Variants in BTBD16 observed in about 807,000 individuals in gnomAD.
The protein encoded by BTBD16 is BTB domain containing 16.
In BTBD16, 66 loss-of-function variants were observed where a neutral mutation model predicts 67.4. The observed-to-expected ratio is 0.98, with a 90% CI of 0.80 to 1.20. The LOEUF is 1.20. Among genes scored for constraint, BTBD16 ranks in the 50% most tolerant of loss-of-function variants. The pLI is 0.00. For missense variants in BTBD16, 634 were observed against 616.0 expected (o/e 1.03, Z -0.31); for synonymous variants, 242 against 236.4 (o/e 1.02, Z -0.22).
intron 7 of BTBD16, among the ~76,000 whole-genome samples, chr10:122,295,117 G>A (rs2096380713): frequency 6.6e-6 from 1 of 152,242 alleles, no homozygotes; most frequent in Non-Finnish European, 1.5e-5. Flanking sequence ...ACTCAGGATG[G>A]ATTTGTATGG....
chr10:122,314,085 A>G (rs186840019), intron 10 of BTBD16, among the ~76,000 whole-genome samples: 27 of 152,156 alleles, frequency 1.8e-4, no homozygotes, highest in African/African-American at 6.3e-4. Flanking sequence ...AAATTCCACC[A>G]AAAAAGACAA....
chr10:122,334,828 GAATACTA>G, intron 13 of BTBD16, 46 bp from the exon 14 acceptor site: 2 of 1,165,176 alleles, frequency 1.7e-6, no homozygotes, highest in Non-Finnish European at 2.6e-6. Flanking sequence ...GGGTGACTTT[GAATACTA>G]AATATTTTCC....
At chr10:122,331,018 G>A (rs768127072) in intron 11 of BTBD16, 158 bp from the exon 12 acceptor site, 176 of 491,260 alleles carry the variant, frequency 3.6e-4, no homozygotes, top group Non-Finnish European at 4.5e-4. Context: ...ACCCTGAGAC[G>A]TTTTATTTCC....
intron 10 of BTBD16, among the ~76,000 whole-genome samples, chr10:122,314,384 G>C (rs150007205): frequency 1.9e-3 from 292 of 152,228 alleles, no homozygotes; most frequent in African/African-American, 6.6e-3. Context: ...CACTCCTGTA[G>C]TCCCAACTAC....
chr10:122,281,653 T>C (rs1285158508), intron 3 of BTBD16, among the ~76,000 whole-genome samples: 1 of 152,212 alleles, frequency 6.6e-6, no homozygotes, highest in Non-Finnish European at 1.5e-5. Context: ...ACTGAAGGCA[T>C]GTCCTTGCAA....
chr10:122,334,846 C>T (rs1421063234), intron 13 of BTBD16, 35 bp from the exon 14 acceptor site: 5 of 1,297,152 alleles, frequency 3.9e-6, no homozygotes, highest in Non-Finnish European at 4.5e-6. Flanking sequence ...AATATTTTCC[C>T]CCCTTCACTT....
Position 122,297,849 on chromosome 10 carries a change from C to A in BTBD16, c.660+12C>A, listed in dbSNP as rs1338709336. 4 of 1,613,864 alleles carry A rather than the reference C, an allele frequency of 2.5e-6. No homozygotes were observed. Among genetic ancestry groups the A allele is most frequent in the East Asian group, 4.5e-5 (2 of 44,876 alleles). ...AGGCCGGCTGCAAGGTGAGAACAAC[C>A]CAGACGGGGCACATCGCCCCTTGGG... is the stretch of plus-strand genomic sequence containing the variant. On this transcript the variant is annotated intron_variant, in intron 8 of 15. Transcript: ENST00000260723.
At chr10:122,291,033 G>A (rs2096372932) in intron 6 of BTBD16, 47 bp from the exon 7 acceptor site, 1 of 1,556,952 alleles carries the variant, frequency 6.4e-7, no homozygotes, top group East Asian at 2.3e-5. Context: ...GTGGTGTCCT[G>A]TGTGCAGAGC....
intron 15 of BTBD16, 105 bp from the exon 16 acceptor site, chr10:122,337,912 G>T (rs11200559): frequency 0.18 from 154,735 of 872,350 alleles, 14,901 homozygotes; most frequent in South Asian, 0.25. Context: ...CCATAGTTGA[G>T]AGCCAGCATT....
chr10:122,309,702 GGTC>G (rs1194814143), intron 10 of BTBD16, among the ~76,000 whole-genome samples: 3 of 151,556 alleles, frequency 2.0e-5, no homozygotes, highest in African/African-American at 7.3e-5. Flanking sequence ...TCAAACTCCT[GGTC>G]TCAAGTGATC....
Position 122,289,900 on chromosome 10 carries a change from C to T in BTBD16, c.386-9C>T. On this transcript the variant is annotated splice_polypyrimidine_tract_variant and intron_variant, in intron 5 of 15. Coordinates refer to ENST00000260723, the MANE Select transcript of BTBD16 (RefSeq NM_144587.5). ...CATCCTGCCATCATCATCTCATTTC[C>T]TTTACTAGCTCAATCACCTAAGAAG... 6.2e-7 allele frequency: 1 copy of T among 1,611,164 alleles called. No individual in the cohort carries two copies. The highest frequency in any genetic ancestry group is 8.5e-7 in the Non-Finnish European group (1 of 1,177,884).
At chr10:122,283,734 A>G (rs1425266216) in intron 3 of BTBD16, 117 bp from the exon 4 acceptor site, 24 of 773,566 alleles carry the variant, frequency 3.1e-5, no homozygotes, top group Non-Finnish European at 4.6e-5. Flanking sequence ...AGGGCGAGAT[A>G]TGATTAGCTT....
At chr10:122,325,001 C>G (rs1425936678) in intron 10 of BTBD16, among the ~76,000 whole-genome samples, 1 of 152,208 alleles carries the variant, frequency 6.6e-6, no homozygotes, top group African/African-American at 2.4e-5. Flanking sequence ...TCTTGACAGA[C>G]AGAAGGACAT....
chr10:122,276,708 T>C lies in BTBD16; in HGVS notation c.19-83T>C, dbSNP rs562019481. On this transcript the variant is annotated intron_variant, in intron 2 of 15. Coordinates refer to ENST00000260723, the MANE Select transcript of BTBD16 (RefSeq NM_144587.5). ...CACTGTAAAATTTGTCTTGATTTCC[T>C]TCTTGCTATACAATTTGGAAAATCT... is the stretch of plus-strand genomic sequence containing the variant. 10 of 1,544,422 alleles carry C rather than the reference T, an allele frequency of 6.5e-6. No individual in the cohort carries two copies. In the South Asian group the frequency reaches 8.7e-5, roughly 13 times the overall value.
chr10:122,295,375 A>G, intron 7 of BTBD16: 1 of 985,418 alleles, frequency 1.0e-6, no homozygotes. Context: ...GACCCAATGC[A>G]GCTGCAATGG....
chr10:122,308,778 C>T (rs891538592), intron 10 of BTBD16, among the ~76,000 whole-genome samples: 9 of 152,216 alleles, frequency 5.9e-5, no homozygotes, highest in African/African-American at 2.2e-4. Context: ...GATGGTTCTT[C>T]TCCTGCCCAG....
chr10:122,334,897 C>T lies in BTBD16; in HGVS notation c.1181C>T (p.Ser394Leu), dbSNP rs764340155. The T allele has an allele frequency of 2.6e-5, 40 of 1,562,090 alleles. No individual in the cohort carries two copies. The highest frequency in any genetic ancestry group is 1.1e-4 in the South Asian group (10 of 88,998). ...LLFNQENTTY[S>L]KTIALYGFFF... The stretch of plus-strand genomic sequence containing the variant: ...CCAATTTAGGAGAATACAACTTATT[C>T]GAAAACGATTGCTCTATATGGATTC... Residue 394 changes from serine to leucine, a missense_variant, in exon 14 of 16, where the codon TCG becomes TTG. Coordinates refer to ENST00000260723, the MANE Select transcript of BTBD16 (RefSeq NM_144587.5).
intron 1 of BTBD16, 52 bp from the exon 2 acceptor site, chr10:122,274,988 T>C (rs2096337283): frequency 1.5e-6 from 2 of 1,314,450 alleles, no homozygotes; most frequent in Admixed American, 1.7e-5. Context: ...ATCTCCTCCA[T>C]AATATTTTGA....
intron 7 of BTBD16, among the ~76,000 whole-genome samples, chr10:122,293,919 G>A (rs1441995867): frequency 2.0e-5 from 3 of 152,076 alleles, no homozygotes; most frequent in African/African-American, 7.2e-5. Context: ...CAGAACTCTC[G>A]CCCTGGCTTA....
Sources: allele counts gnomAD v4.1 joint callset (sites outside exome capture counted in the v4.1 genomes callset), GRCh38; gene constraint gnomAD v4.1.1; transcripts MANE v1.5; gene names NCBI Gene and HGNC (gene_info 2026-07-23, HGNC 2026-07-21).